RARB: variants seen among roughly 807,000 people sequenced by gnomAD.
The protein encoded by RARB is retinoic acid receptor beta, also known as HBV-activated protein.
In RARB, 17 loss-of-function variants were observed where a neutral mutation model predicts 51.9. The observed-to-expected ratio is 0.33, with a 90% confidence interval of 0.22 to 0.49. The LOEUF (loss-of-function observed/expected upper bound fraction) is 0.49. Among genes scored for constraint, RARB ranks in the 20% least tolerant of loss-of-function variants. The pLI is 0.99. For synonymous variants in RARB, 215 were observed against 195.4 expected, an observed-to-expected ratio of 1.10 and a Z score of -0.84; for missense variants, 369 against 550.8, an observed-to-expected ratio of 0.67 and a Z score of 3.30.
intron 2 of RARB, among the ~76,000 whole-genome samples, chr3:24,862,686 C>T (rs1241183926): frequency 6.6e-6 from 1 of 152,118 alleles, no homozygotes; most frequent in East Asian, 1.9e-4. Context: ...TCTACAGTTT[C>T]AAGTATCCAC....
chr3:25,165,279 T>C (rs542574800), intron 4 of RARB, among the ~76,000 whole-genome samples: 1 of 152,310 alleles, frequency 6.6e-6, no homozygotes, highest in East Asian at 1.9e-4. Flanking sequence ...ATGTCTCTTG[T>C]TTACACGTGG....
At chr3:25,384,771 A>G (rs1041405505) in intron 5 of RARB, among the ~76,000 whole-genome samples, 4 of 152,226 alleles carry the variant, frequency 2.6e-5, no homozygotes, top group Non-Finnish European at 5.9e-5. Context: ...AGAAAAGAGT[A>G]TTTTCAGACA....
At chr3:25,179,092 G>A (rs1479524844) in intron 5 of RARB, among the ~76,000 whole-genome samples, 1 of 151,982 alleles carries the variant, frequency 6.6e-6, no homozygotes, top group South Asian at 2.1e-4. Flanking sequence ...CACAAAATAG[G>A]GTATTTGCTT....
chr3:25,096,712 C>T (rs1024694329), intron 3 of RARB, among the ~76,000 whole-genome samples: 1 of 152,084 alleles, frequency 6.6e-6, no homozygotes. Context: ...GGGTGTGTTT[C>T]ACCTCCTAGT....
At position 25,385,289 on chromosome 3, in the gene RARB, G is replaced by C. The variant is rs914776658; in HGVS notation, c.179-75904G>C. Among the ~76,000 whole-genome samples, 5 of 152,102 alleles carry C rather than the reference G, an allele frequency of 3.3e-5. No individual in the cohort carries two copies. The South Asian group carries it at 1.0e-3, about 32-fold the overall frequency. Reference sequence around the variant, plus strand: ...CAATACAGCCCCCTTTGTGTCCCTGGTATGTCTTTATCAGACTATATTGCC... The same window carrying C: ...CAATACAGCCCCCTTTGTGTCCCTGCTATGTCTTTATCAGACTATATTGCC... On this transcript the variant is annotated intron_variant, in intron 5 of 11. Transcript: ENST00000383772.
At chr3:25,404,246 G>T (rs144355253) in intron 5 of RARB, among the ~76,000 whole-genome samples, 1 of 152,250 alleles carries the variant, frequency 6.6e-6, no homozygotes, top group African/African-American at 2.4e-5. Flanking sequence ...TCCTGGCAAA[G>T]CCCTGACGGT....
At chr3:25,190,339 T>C (rs1287534372) in intron 5 of RARB, among the ~76,000 whole-genome samples, 5 of 152,044 alleles carry the variant, frequency 3.3e-5, no homozygotes, top group African/African-American at 9.7e-5. Context: ...AGGGAGAGTA[T>C]GGTTCATGTT....
intron 5 of RARB, among the ~76,000 whole-genome samples, chr3:25,593,174 T>A (rs1317906859): frequency 6.6e-6 from 1 of 151,872 alleles, no homozygotes; most frequent in Non-Finnish European, 1.5e-5. Flanking sequence ...TCTTTTTTTT[T>A]TTTTATCTCC....
At chr3:25,203,230 T>G (rs1015858817) in intron 5 of RARB, among the ~76,000 whole-genome samples, 5 of 152,300 alleles carry the variant, frequency 3.3e-5, no homozygotes, top group African/African-American at 1.2e-4. Flanking sequence ...TAAAGTCTGT[T>G]TTATCAGAGA....
chr3:25,431,901 G>A (rs1397254406), intron 1 of RARB, among the ~76,000 whole-genome samples: 1 of 152,100 alleles, frequency 6.6e-6, no homozygotes, highest in Non-Finnish European at 1.5e-5. Context: ...TCCTCTCCTA[G>A]TGAGATATAA....
chr3:25,145,655 T>C (rs1700176262), intron 4 of RARB, among the ~76,000 whole-genome samples: 1 of 152,138 alleles, frequency 6.6e-6, no homozygotes, highest in African/African-American at 2.4e-5. Flanking sequence ...ATGTCTGTCC[T>C]CCTGACTTAT....
intron 1 of RARB, among the ~76,000 whole-genome samples, chr3:25,450,938 T>C (rs1392411014): frequency 6.6e-6 from 1 of 151,954 alleles, no homozygotes; most frequent in Non-Finnish European, 1.5e-5. Flanking sequence ...TACAAAAAAA[T>C]AGCCGGGCGT....
intron 2 of RARB, among the ~76,000 whole-genome samples, chr3:24,913,032 G>A (rs1200176405): frequency 7.7e-6 from 1 of 129,056 alleles, no homozygotes; most frequent in Non-Finnish European, 1.6e-5. Context: ...TCAGGCTGGA[G>A]TGCAGTGGCG....
At chr3:25,002,947 A>C (rs1002220173) in intron 2 of RARB, among the ~76,000 whole-genome samples, 3 of 152,152 alleles carry the variant, frequency 2.0e-5, no homozygotes, top group Non-Finnish European at 4.4e-5. Flanking sequence ...TATGATTATG[A>C]TTACTTTACA....
chr3:25,197,013 A>G (rs1229112987), intron 5 of RARB, among the ~76,000 whole-genome samples: 1 of 152,084 alleles, frequency 6.6e-6, no homozygotes, highest in Non-Finnish European at 1.5e-5. Flanking sequence ...CCCATTCTGT[A>G]GGTTGCCTGT....
intron 3 of RARB, among the ~76,000 whole-genome samples, chr3:25,092,128 A>G (rs1247011399): frequency 6.6e-6 from 1 of 152,184 alleles, no homozygotes; most frequent in African/African-American, 2.4e-5. Flanking sequence ...GCCAGGCTCC[A>G]GAAATCTGCT....
chr3:24,881,603 A>C (rs992937422), intron 2 of RARB, among the ~76,000 whole-genome samples: 1 of 152,234 alleles, frequency 6.6e-6, no homozygotes, highest in Non-Finnish European at 1.5e-5. Flanking sequence ...GATTACCTAT[A>C]AATGTTTGAG....
At chr3:25,578,641 T>C (rs3821629) in intron 4 of RARB, among the ~76,000 whole-genome samples, 41,473 of 152,130 alleles carry the variant, frequency 0.27, 5,881 homozygotes, top group African/African-American at 0.36. Flanking sequence ...CCCTCAAGTG[T>C]ACTGTATACC....
At chr3:25,235,361 A>G (rs1474236332) in intron 5 of RARB, among the ~76,000 whole-genome samples, 2 of 152,104 alleles carry the variant, frequency 1.3e-5, no homozygotes, top group Non-Finnish European at 2.9e-5. Context: ...AGAAGAACAG[A>G]TGCTTCTGGA....
Sources: gnomAD v4.1 joint callset for allele counts (sites outside exome capture counted in the v4.1 genomes callset) on GRCh38, gnomAD v4.1.1 for gene constraint, MANE v1.5 for transcripts, NCBI Gene and HGNC (gene_info 2026-07-23, HGNC 2026-07-21) for gene names.